Variants in KCNA6 observed in about 807,000 individuals in gnomAD.
KCNA6 encodes the protein human brain potassium channel-2.
Under a neutral mutation model 29.5 loss-of-function variants are expected in KCNA6, and 17 were observed. That is an observed-to-expected ratio of 0.58 (90% confidence interval 0.39 to 0.86). The LOEUF is 0.86. KCNA6 is among the 40% of genes least tolerant of loss of function. KCNA6 has a pLI of 0.00. For missense variants in KCNA6, 450 were observed against 703.4 expected (o/e 0.64, Z 4.07); for synonymous variants, 296 against 304.7 (o/e 0.97, Z 0.30).
the KCNA6 span, among the ~76,000 whole-genome samples, chr12:4,819,671 T>C: frequency 6.6e-6 from 1 of 152,214 alleles, no homozygotes; most frequent in Non-Finnish European, 1.5e-5. Flanking sequence ...CTCAGCTCAC[T>C]GCCACAGCCA....
chr12:4,818,080 A>T (rs1322074839), downstream of KCNA6, among the ~76,000 whole-genome samples: 1 of 152,214 alleles, frequency 6.6e-6, no homozygotes, highest in Non-Finnish European at 1.5e-5. Context: ...TTTGAAAAAG[A>T]ACATAGGAAG....
At chr12:4,840,199 C>CTA in the KCNA6 span, among the ~76,000 whole-genome samples, 7 of 698 alleles carry the variant, frequency 0.01, no homozygotes, top group East Asian at 0.11. Flanking sequence ...TGATTATTAT[C>CTA]TATCTATCTA....
At chr12:4,813,125 AT>A (rs112816763) in exon 1 of KCNA6, 4 of 165,512 alleles carry the variant, frequency 2.4e-5, no homozygotes, top group South Asian at 2.1e-4. Flanking sequence ...TTTGATGATA[AT>A]TTTTTTTTTA....
At chr12:4,841,704 A>G in the KCNA6 span, among the ~76,000 whole-genome samples, 2,466 of 152,326 alleles carry the variant, frequency 0.016, 32 homozygotes, top group South Asian at 0.037. Context: ...CTGTCAGTCA[A>G]TTTCCATTTC....
At chr12:4,837,757 T>C in the KCNA6 span, among the ~76,000 whole-genome samples, 1 of 152,040 alleles carries the variant, frequency 6.6e-6, no homozygotes, top group Admixed American at 6.5e-5. Context: ...CTGTGGACAA[T>C]GCAACCCTTT....
At chr12:4,831,967 A>C in the KCNA6 span, among the ~76,000 whole-genome samples, 1 of 152,172 alleles carries the variant, frequency 6.6e-6, no homozygotes, top group Non-Finnish European at 1.5e-5. Context: ...AGGGTGTTCT[A>C]TTGAGTAGAA....
chr12:4,810,170 G>T lies in KCNA6; in HGVS notation c.129G>T (p.Leu43=), dbSNP rs779375143. The change falls in exon 1 of 1, where the codon CTG becomes CTT. Residue 43 remains leucine, a synonymous_variant. Transcript: ENST00000280684. This position sits in a 1 kb window ranked among gnomAD's most constrained non-coding sequence, Gnocchi z 7.5. ...GGGGCTGCTGTAGTAGCGAGCGGCTGGTGATCAATATCTCCGGGCTGCGCT... is the reference window on the plus strand; with the variant it reads ...GGGGCTGCTGTAGTAGCGAGCGGCTTGTGATCAATATCTCCGGGCTGCGCT... The T allele has an allele frequency of 2.5e-6, 4 of 1,611,378 alleles. No homozygotes were observed. In the South Asian group the frequency reaches 4.4e-5, roughly 18 times the overall value.
chr12:4,816,892 T>C (rs546429493), downstream of KCNA6, among the ~76,000 whole-genome samples: 5 of 152,302 alleles, frequency 3.3e-5, no homozygotes, highest in East Asian at 7.7e-4. Flanking sequence ...TTGTGCCCAC[T>C]GGACCCTCCC....
the KCNA6 span, among the ~76,000 whole-genome samples, chr12:4,835,743 T>C: frequency 6.6e-6 from 1 of 151,970 alleles, no homozygotes; most frequent in Non-Finnish European, 1.5e-5. Context: ...AGACATCAAC[T>C]CAGCTGTCTG....
chr12:4,821,925 C>T, the KCNA6 span, among the ~76,000 whole-genome samples: 1 of 152,148 alleles, frequency 6.6e-6, no homozygotes, highest in Non-Finnish European at 1.5e-5. Flanking sequence ...CAACCTCTGC[C>T]TCCCAGGTTC....
the KCNA6 span, among the ~76,000 whole-genome samples, chr12:4,842,042 TG>T: frequency 4.7e-4 from 70 of 150,284 alleles, no homozygotes; most frequent in African/African-American, 1.7e-3. Flanking sequence ...TGTGTGTGTG[TG>T]TGTGTGTGTG....
chr12:4,847,193 G>A, the KCNA6 span, among the ~76,000 whole-genome samples: 2 of 152,206 alleles, frequency 1.3e-5, no homozygotes, highest in Admixed American at 6.5e-5. Context: ...TTGTCTTCTA[G>A]TTTCTAATGA....
chr12:4,836,846 G>A, the KCNA6 span, among the ~76,000 whole-genome samples: 5 of 152,178 alleles, frequency 3.3e-5, no homozygotes, highest in African/African-American at 4.8e-5. Flanking sequence ...CGGGTGGCTC[G>A]CCTAGGAGAA....
chr12:4,836,529 G>A, the KCNA6 span, among the ~76,000 whole-genome samples: 2 of 152,154 alleles, frequency 1.3e-5, no homozygotes, highest in Admixed American at 6.5e-5. Flanking sequence ...AAAGGTATGG[G>A]GGTCAAGAAT....
At chr12:4,835,452 A>G in the KCNA6 span, among the ~76,000 whole-genome samples, 3 of 151,960 alleles carry the variant, frequency 2.0e-5, no homozygotes, top group African/African-American at 7.3e-5. Flanking sequence ...TTTTTTTTAA[A>G]TTATTTTTTT....
At chr12:4,827,469 T>G in the KCNA6 span, among the ~76,000 whole-genome samples, 360 of 152,126 alleles carry the variant, frequency 2.4e-3, 2 homozygotes, top group Non-Finnish European at 4.5e-3. Context: ...AGCAGGGGAG[T>G]GCAGCCCAGC....
chr12:4,839,790 A>C, the KCNA6 span, among the ~76,000 whole-genome samples: 1 of 152,340 alleles, frequency 6.6e-6, no homozygotes, highest in Admixed American at 6.5e-5. Context: ...GCCTTATATT[A>C]ACATTGTCTT....
chr12:4,812,370 C>T (rs930981269), exon 1 of KCNA6: 1 of 167,170 alleles, frequency 6.0e-6, no homozygotes, highest in Admixed American at 6.5e-5. Flanking sequence ...TCCCCTGACT[C>T]TCCAGCTTCC....
the KCNA6 span, among the ~76,000 whole-genome samples, chr12:4,846,974 CG>C: frequency 2.7e-5 from 4 of 150,702 alleles, no homozygotes; most frequent in South Asian, 8.4e-4. Flanking sequence ...TTAGTAGAGA[CG>C]GGGTTTCATC....
Sources: allele counts gnomAD v4.1 joint callset (sites outside exome capture counted in the v4.1 genomes callset), GRCh38; gene constraint gnomAD v4.1.1; non-coding constraint Gnocchi (gnomAD v3.1); transcripts MANE v1.5; gene names NCBI Gene and HGNC (gene_info 2026-07-23, HGNC 2026-07-21).